Variants in POT1 observed in about 807,000 individuals in gnomAD.
POT1 encodes protection of telomeres 1.
In POT1, 47 loss-of-function variants were observed where a neutral mutation model predicts 78.5. The ratio of observed to expected loss-of-function variants is 0.60; its 90% CI spans 0.47 to 0.76. The LOEUF (loss-of-function observed/expected upper bound fraction) is 0.76, where lower values mean the gene tolerates loss of function less well. POT1 is among the 30% of genes least tolerant of loss of function. The pLI is 0.00. For missense variants in POT1, 646 were observed against 749.9 expected, an observed-to-expected ratio of 0.86 and a Z score of 1.62; for synonymous variants, 259 against 260.7, an observed-to-expected ratio of 0.99 and a Z score of 0.06.
intron 3 of POT1, chr7:124,900,903 G>T: frequency 3.1e-6 from 1 of 322,500 alleles, no homozygotes; most frequent in South Asian, 2.5e-5. Flanking sequence ...CTCATTGCTG[G>T]CACAGCAGTC....
In POT1 at chr7:124,824,047, A is replaced by G. The variant is rs940749964; in HGVS notation, c.1820T>C (p.Ile607Thr). 1.9e-6 allele frequency: 3 copies of G among 1,607,436 alleles called. No individual in the cohort carries two copies. Residue 607 changes from isoleucine to threonine, a missense_variant, in exon 19 of 19, where the codon ATC becomes ACC. This residue lies in a region of POT1 where 394 missense variants were observed against 408.4 expected (regional missense o/e 0.96). Transcript: ENST00000357628. ...TCCATTTGTGACATTGTATGACTTG[A>G]TGAAGCATTCCAACCACGGATATGC... ...IDAYPWLECF[I>T]KSYNVTNGTD...
rs181507411 is a variant in POT1 at position 124,866,848 on chromosome 7, T to C, written c.256-3208A>G. Reference sequence around the variant, plus strand: ...GTAGGGCTAGTCTAGTACCAGTTAATTTTTCGTAACACAGAAGTTCGCTCT... The same window carrying C: ...GTAGGGCTAGTCTAGTACCAGTTAACTTTTCGTAACACAGAAGTTCGCTCT... On this transcript the variant is annotated intron_variant, in intron 7 of 18. Transcript: ENST00000357628. Among the ~76,000 whole-genome samples the C allele has an allele frequency of 1.2e-3, 177 of 152,314 alleles. 1 individual carries two copies. The highest frequency in any genetic ancestry group is 3.9e-3 in the African/African-American group (161 of 41,568).
At chr7:124,883,720 T>C (rs1796177323) in intron 6 of POT1, among the ~76,000 whole-genome samples, 1 of 152,044 alleles carries the variant, frequency 6.6e-6, no homozygotes, top group South Asian at 2.1e-4. Flanking sequence ...ATGTGTTGTA[T>C]ATTTTTCTAG....
At chr7:124,864,844 T>C (rs1410209677) in intron 7 of POT1, among the ~76,000 whole-genome samples, 2 of 152,198 alleles carry the variant, frequency 1.3e-5, no homozygotes, top group Admixed American at 1.3e-4. Flanking sequence ...TCTCTTTTAA[T>C]TAAATTACGG....
At chr7:124,840,880 A>T in intron 14 of POT1, 93 bp downstream of exon 14, 1 of 981,774 alleles carries the variant, frequency 1.0e-6, no homozygotes, top group Non-Finnish European at 1.5e-6. Context: ...CTTTATATGT[A>T]CTAGGTTGTC....
intron 3 of POT1, among the ~76,000 whole-genome samples, chr7:124,905,057 T>C (rs1796726290): frequency 6.6e-6 from 1 of 152,130 alleles, no homozygotes; most frequent in African/African-American, 2.4e-5. Context: ...ATCATGAAAA[T>C]GGCCATACTG....
chr7:124,853,870 T>C (rs1463817030), intron 9 of POT1, among the ~76,000 whole-genome samples: 3 of 152,042 alleles, frequency 2.0e-5, no homozygotes, highest in East Asian at 1.9e-4. Flanking sequence ...AGATGCAGAA[T>C]GCTATTCAAA....
At chr7:124,863,671 T>C in intron 7 of POT1, 31 bp from the exon 8 acceptor site, 1 of 1,526,772 alleles carries the variant, frequency 6.5e-7, no homozygotes, top group Non-Finnish European at 8.9e-7. Flanking sequence ...AGAAAACAGA[T>C]ACAAATAAAA....
intron 10 of POT1, among the ~76,000 whole-genome samples, chr7:124,852,193 T>A (rs2116501934): frequency 6.6e-6 from 1 of 152,196 alleles, no homozygotes; most frequent in East Asian, 1.9e-4. Flanking sequence ...AAAAATAAAC[T>A]GGGAATTTAA....
intron 6 of POT1, among the ~76,000 whole-genome samples, chr7:124,878,821 C>A (rs944119717): frequency 1.3e-5 from 2 of 151,648 alleles, no homozygotes; most frequent in Non-Finnish European, 2.9e-5. Context: ...TAGAGATAGC[C>A]AAAGAATGGA....
intron 7 of POT1, among the ~76,000 whole-genome samples, chr7:124,869,742 C>T (rs1409533955): frequency 6.6e-6 from 1 of 152,026 alleles, no homozygotes; most frequent in Non-Finnish European, 1.5e-5. Flanking sequence ...CCACCACGCC[C>T]GGCTGATTTT....
At chr7:124,877,586 C>T (rs1331981205) in intron 6 of POT1, among the ~76,000 whole-genome samples, 2 of 151,754 alleles carry the variant, frequency 1.3e-5, no homozygotes, top group African/African-American at 4.8e-5. Context: ...CCTGTAATCC[C>T]ACCGCTTAGG....
chr7:124,876,599 T>TA (rs1212899179), intron 6 of POT1, among the ~76,000 whole-genome samples: 1 of 151,986 alleles, frequency 6.6e-6, no homozygotes, highest in Non-Finnish European at 1.5e-5. Context: ...TATCCTCACT[T>TA]ACGCAATTTG....
At chr7:124,851,820 A>G (rs770024923) in intron 11 of POT1, 52 bp downstream of exon 11, 67 of 1,228,226 alleles carry the variant, frequency 5.5e-5, no homozygotes, top group Non-Finnish European at 7.8e-5. Context: ...ATGTTGATAA[A>G]ACTATTTTAT....
chr7:124,829,390 C>T lies in POT1; in HGVS notation c.1506-48G>A, dbSNP rs1396626073. 2.5e-5 allele frequency: 32 copies of T among 1,266,540 alleles called. No individual in the cohort carries two copies. In the East Asian group the frequency reaches 7.2e-4, roughly 28 times the overall value. 78.5% of individuals were successfully genotyped at this position (1,266,540 alleles called of 1,614,324 possible). On this transcript the variant is annotated intron_variant, in intron 15 of 18. Transcript: ENST00000357628. Reference sequence around the variant, plus strand: ...CCATAAATATTTAAAAATAATTTAGCTTGTTTGTTATAACTTTTTACTGCT... The same window carrying T: ...CCATAAATATTTAAAAATAATTTAGTTTGTTTGTTATAACTTTTTACTGCT...
intron 14 of POT1, among the ~76,000 whole-genome samples, chr7:124,836,551 C>T (rs1321495184): frequency 6.6e-6 from 1 of 152,184 alleles, no homozygotes; most frequent in East Asian, 1.9e-4. Context: ...CAATAGGTGA[C>T]CATTCACTAA....
In POT1 at chr7:124,823,916, G is replaced by C. The variant is rs1463143949; in HGVS notation, c.*46C>G. The C allele has an allele frequency of 8.1e-7, 1 of 1,232,214 alleles. No individual in the cohort carries two copies. Among genetic ancestry groups the C allele is most frequent in the African/African-American group, 1.5e-5 (1 of 66,898 alleles). The allele number at this position is 1,232,214 out of a possible 1,614,324, so 76.3% of individuals were successfully genotyped here. On this transcript the variant is annotated 3_prime_UTR_variant, in exon 19 of 19. Coordinates refer to ENST00000357628, the MANE Select transcript of POT1 (RefSeq NM_015450.3). ...GGTCAGGAAAAGAAGCTCAAACAGG[G>C]AAGGTGAGTGGCAACATTTTATGTA...
At chr7:124,825,189 A>T in intron 18 of POT1, 63 bp downstream of exon 18, 1 of 1,036,256 alleles carries the variant, frequency 9.7e-7, no homozygotes, top group Admixed American at 1.9e-5. Context: ...TCCACAGAGT[A>T]CATATATGTT....
rs1247441655 is a variant in POT1 at position 124,851,886 on chromosome 7, T to C, written c.935A>G (p.Asp312Gly). 1 of 1,608,350 alleles carries C rather than the reference T, an allele frequency of 6.2e-7. No homozygotes were observed. Among genetic ancestry groups the C allele is most frequent in the African/African-American group, 1.3e-5 (1 of 74,774 alleles). Residue 312 changes from aspartate to glycine, a missense_variant, in exon 11 of 19, where the codon GAC becomes GGC. By Grantham distance (94) the Asp-to-Gly change is moderately conservative. This residue lies in a region of POT1 where 394 missense variants were observed against 408.4 expected (regional missense o/e 0.96). Transcript: ENST00000357628. ...HSDVICQSEP[D>G]DSFPSSGSVS... ...ATTATCCTTACTTGGAAAGCTGTCGTCAGGTTCTGATTGACAGATAACATC... is the reference window on the plus strand; with the variant it reads ...ATTATCCTTACTTGGAAAGCTGTCGCCAGGTTCTGATTGACAGATAACATC...
Sources: allele counts gnomAD v4.1 joint callset (sites outside exome capture counted in the v4.1 genomes callset), GRCh38; gene constraint gnomAD v4.1.1; regional missense constraint gnomAD v4.1.1; transcripts MANE v1.5; gene names NCBI Gene and HGNC (gene_info 2026-07-23, HGNC 2026-07-21).